SH3BP4: variants seen among roughly 807,000 people sequenced by gnomAD.
The protein encoded by SH3BP4 is SH3 domain-binding protein 4.
A neutral mutation model predicts 65.5 loss-of-function variants in SH3BP4; 33 were observed. That is an observed-to-expected ratio of 0.50 (90% CI 0.38 to 0.67). SH3BP4 has a LOEUF of 0.67. Ranked by LOEUF, SH3BP4 falls within the 30% of genes least tolerant of loss-of-function variation. SH3BP4 has a pLI of 0.00. For synonymous variants in SH3BP4, 552 were observed against 545.5 expected (o/e 1.01, Z -0.17); for missense variants, 1,134 against 1,261.4 (o/e 0.90, Z 1.53).
intron 2 of SH3BP4, among the ~76,000 whole-genome samples, chr2:235,017,394 T>C (rs931878776): frequency 2.7e-4 from 40 of 145,982 alleles, no homozygotes; most frequent in African/African-American, 9.7e-4. Flanking sequence ...TGCAGTGAGC[T>C]GAGATCGTGC....
chr2:235,028,250 T>C (rs1317102333), intron 2 of SH3BP4, among the ~76,000 whole-genome samples: 2 of 152,306 alleles, frequency 1.3e-5, no homozygotes, highest in Admixed American at 1.3e-4. Flanking sequence ...GGTCTTGAGA[T>C]CCAGTGGTGG....
rs61741476 is a variant in SH3BP4 at position 235,052,702 on chromosome 2, C to T, written c.2619C>T (p.Asp873=). Residue 873 remains aspartate (D), a synonymous_variant, in exon 5 of 6, where the codon GAC becomes GAT. Transcript: ENST00000392011. The surrounding 1 kb of genome is among the most constrained non-coding windows in gnomAD (Gnocchi z 5.0). ...CCAAGGTCTCCAAGCAGCAGATGGA[C>T]GCCTACGAGTCTCCCCACCGGGACA... is the stretch of plus-strand genomic sequence containing the variant. ...KLAKVSKQQM[D]AYESPHRDRN... The T allele has an allele frequency of 4.8e-4, 773 of 1,605,666 alleles. 3 individuals carry two copies. The African/African-American group carries it at 6.6e-3, about 14-fold the overall frequency.
At chr2:235,025,651 A>G (rs1452369068) in intron 2 of SH3BP4, among the ~76,000 whole-genome samples, 1 of 152,242 alleles carries the variant, frequency 6.6e-6, no homozygotes, top group Non-Finnish European at 1.5e-5. Context: ...CCAGCTTTCA[A>G]GGAAACGAGT....
At chr2:234,992,936 T>G (rs753338644) in intron 1 of SH3BP4, among the ~76,000 whole-genome samples, 22 of 152,104 alleles carry the variant, frequency 1.4e-4, no homozygotes, top group Non-Finnish European at 2.8e-4. Flanking sequence ...GACACATTCC[T>G]GCCATGTGGC....
chr2:235,048,378 G>A lies in SH3BP4; in HGVS notation c.2479-4184G>A, dbSNP rs927576745. On this transcript the variant is annotated intron_variant, in intron 4 of 5. Coordinates refer to ENST00000392011, the MANE Select transcript of SH3BP4 (RefSeq NM_014521.3). Reference sequence around the variant, plus strand: ...AAAGGTCTCGCTCTGTCTCCTAGGCGGGAGTGCAGTGGTGTGATCACAGCT... The same window carrying A: ...AAAGGTCTCGCTCTGTCTCCTAGGCAGGAGTGCAGTGGTGTGATCACAGCT... 3.9e-5 allele frequency among the ~76,000 whole-genome samples: 6 copies of A among 152,216 alleles called. No homozygotes were observed. The South Asian group carries it at 6.2e-4, about 16-fold the overall frequency.
intron 1 of SH3BP4, among the ~76,000 whole-genome samples, chr2:234,989,331 G>GA (rs1303278935): frequency 6.6e-6 from 1 of 152,198 alleles, no homozygotes; most frequent in Non-Finnish European, 1.5e-5. Flanking sequence ...AAGAAACCTT[G>GA]AAATGGATGT....
chr2:235,008,267 G>A (rs940373491), intron 2 of SH3BP4, among the ~76,000 whole-genome samples: 3 of 152,170 alleles, frequency 2.0e-5, no homozygotes, highest in Non-Finnish European at 4.4e-5. Context: ...CTGAAGCCCT[G>A]GGTTGGGACA....
chr2:235,041,011 A>T lies in SH3BP4; in HGVS notation c.242A>T (p.His81Leu). Residue 81 changes from histidine to leucine, a missense_variant, in exon 4 of 6, where the codon CAT becomes CTT. His to Leu is a moderately conservative substitution (Grantham distance 99). Coordinates refer to ENST00000392011, the MANE Select transcript of SH3BP4 (RefSeq NM_014521.3). The surrounding 1 kb of genome is among the most constrained non-coding windows in gnomAD (Gnocchi z 6.0). ...ACACTGAAGTTCTCCAAGGGCGACC[A>T]TCTCTACGTCTTGGACACATCTGGC... ...FTTLKFSKGDHLYVLDTSGGE... is the reference protein window; with the variant it reads ...FTTLKFSKGDLLYVLDTSGGE... 1 of 1,614,194 alleles carries T rather than the reference A, an allele frequency of 6.2e-7. No homozygotes were observed. The highest frequency in any genetic ancestry group is 1.1e-5 in the South Asian group (1 of 91,082).
chr2:235,023,870 G>T (rs532196829), intron 2 of SH3BP4, among the ~76,000 whole-genome samples: 1 of 152,120 alleles, frequency 6.6e-6, no homozygotes, highest in Non-Finnish European at 1.5e-5. Context: ...TGGAGATTCG[G>T]TGCCCTCAAG....
At chr2:234,957,752 G>T (rs1692621174) in intron 1 of SH3BP4, among the ~76,000 whole-genome samples, 1 of 152,016 alleles carries the variant, frequency 6.6e-6, no homozygotes, top group Admixed American at 6.5e-5. Context: ...GAACACCAGG[G>T]ATGTGGTGAT....
At chr2:235,038,336 A>AG (rs1325121775) in intron 3 of SH3BP4, among the ~76,000 whole-genome samples, 1 of 2,406 alleles carries the variant, frequency 4.2e-4, no homozygotes, top group African/African-American at 1.3e-3. Flanking sequence ...TATATTATAT[A>AG]TAGTATATAT....
intron 1 of SH3BP4, among the ~76,000 whole-genome samples, chr2:234,987,595 C>T (rs552012814): frequency 3.3e-5 from 5 of 152,208 alleles, no homozygotes; most frequent in Non-Finnish European, 7.3e-5. Context: ...GGTGTCCCCC[C>T]ACTTATTCAT....
chr2:235,010,347 G>T (rs1348825390), intron 2 of SH3BP4, among the ~76,000 whole-genome samples: 2 of 152,180 alleles, frequency 1.3e-5, no homozygotes, highest in Non-Finnish European at 2.9e-5. Context: ...TCATGGGGAG[G>T]CCCGCAGGGC....
At chr2:235,027,636 T>C (rs1695043166) in intron 2 of SH3BP4, among the ~76,000 whole-genome samples, 2 of 152,170 alleles carry the variant, frequency 1.3e-5, no homozygotes, top group South Asian at 4.1e-4. Context: ...GAAATTATCA[T>C]CAAACATGGA....
In SH3BP4 at chr2:235,033,396, A is replaced by G. The variant is rs912994749; in HGVS notation, c.-132-1475A>G. ...TTCATGATCTCTTCTAACTCTAACT[A>G]CTCCCCACTGCCCCACCTGCCAGTG... On this transcript the variant is annotated intron_variant, in intron 2 of 5. Transcript: ENST00000392011. The surrounding 1 kb of genome is among the most constrained non-coding windows in gnomAD (Gnocchi z 5.7). Among the ~76,000 whole-genome samples, 15 of 151,248 alleles carry G rather than the reference A, an allele frequency of 9.9e-5. No individual in the cohort carries two copies. The highest frequency in any genetic ancestry group is 3.2e-4 in the African/African-American group (13 of 41,060).
Position 234,981,424 on chromosome 2 carries a change from G to A in SH3BP4, c.-206-13879G>A, listed in dbSNP as rs146827147. 3.3e-3 allele frequency among the ~76,000 whole-genome samples: 502 copies of A among 152,232 alleles called. 4 individuals carry two copies. Among genetic ancestry groups the A allele is most frequent in the African/African-American group, 0.011 (472 of 41,526 alleles). ...GAGCCTCGTTCAGTGAGTCAGCACG[G>A]GACCTGGAGCTCGGGGACCCCTCAC... On this transcript the variant is annotated intron_variant, in intron 1 of 5. Transcript: ENST00000392011.
chr2:234,997,924 C>T lies in SH3BP4; in HGVS notation c.-133+2548C>T, dbSNP rs1278137096. Among the ~76,000 whole-genome samples the T allele has an allele frequency of 1.3e-5, 2 of 152,082 alleles. No individual in the cohort carries two copies. Among genetic ancestry groups the T allele is most frequent in the Non-Finnish European group, 2.9e-5 (2 of 68,040 alleles). ...GATCACGAGATCAGGAGATCAAGAC[C>T]ATCCTGTCTAACACGGTGAAACCCT... On this transcript the variant is annotated intron_variant, in intron 2 of 5. Coordinates refer to ENST00000392011, the MANE Select transcript of SH3BP4 (RefSeq NM_014521.3). This position sits in a 1 kb window ranked among gnomAD's most constrained non-coding sequence, Gnocchi z 4.2.
At chr2:235,044,650 G>A (rs1695785080) in intron 4 of SH3BP4, among the ~76,000 whole-genome samples, 1 of 152,244 alleles carries the variant, frequency 6.6e-6, no homozygotes, top group Non-Finnish European at 1.5e-5. Context: ...CGGCCTTTCT[G>A]CCACCTCCCC....
chr2:234,984,712 G>A (rs1343223130), intron 1 of SH3BP4, among the ~76,000 whole-genome samples: 1 of 152,128 alleles, frequency 6.6e-6, no homozygotes, highest in East Asian at 1.9e-4. Context: ...TCAGCTGAGT[G>A]CCTGTGTCGT....
Sources: gnomAD v4.1 joint callset for allele counts (sites outside exome capture counted in the v4.1 genomes callset) on GRCh38, gnomAD v4.1.1 for gene constraint, Gnocchi (gnomAD v3.1) non-coding constraint, MANE v1.5 for transcripts, NCBI Gene and HGNC (gene_info 2026-07-23, HGNC 2026-07-21) for gene names.